CCSER1: variants seen among roughly 807,000 people sequenced by gnomAD.
CCSER1 encodes the protein coiled-coil serine rich protein 1.
CCSER1 carries 41 observed loss-of-function variants against 82.0 expected under a neutral mutation model. The ratio of observed to expected loss-of-function variants is 0.50; its 90% CI spans 0.39 to 0.65. The LOEUF (loss-of-function observed/expected upper bound fraction) is 0.65. Ranked by LOEUF, CCSER1 falls within the 30% of genes least tolerant of loss-of-function variation. The pLI, the probability that CCSER1 is intolerant of heterozygous loss-of-function variation, is 0.00. For missense variants in CCSER1, 1,119 were observed against 1,064.2 expected (o/e 1.05, Z -0.72); for synonymous variants, 414 against 383.9 (o/e 1.08, Z -0.92).
At position 91,206,974 on chromosome 4, in the gene CCSER1, T is replaced by C. The variant is rs559121321; in HGVS notation, c.2217+120980T>C. On this transcript the variant is annotated intron_variant, in intron 10 of 10. Transcript: ENST00000509176. ...ATTAATTGCTTGTAAGAAATTCTGG[T>C]CATTCAGCTGTCTCTGTCCAGAAAG... Among the ~76,000 whole-genome samples, 19 of 151,976 alleles carry C rather than the reference T, an allele frequency of 1.3e-4. No homozygotes were observed. The East Asian group carries it at 3.5e-3, about 28-fold the overall frequency.
intron 10 of CCSER1, among the ~76,000 whole-genome samples, chr4:91,516,253 T>C (rs1216596780): frequency 6.6e-6 from 1 of 152,186 alleles, no homozygotes; most frequent in Non-Finnish European, 1.5e-5. Context: ...TTGCAATTGC[T>C]TTTGGCATCT....
At chr4:90,708,022 A>G (rs1219257416) in intron 6 of CCSER1, among the ~76,000 whole-genome samples, 1 of 152,176 alleles carries the variant, frequency 6.6e-6, no homozygotes, top group East Asian at 1.9e-4. Flanking sequence ...TCTGTCAATG[A>G]AAAATGGATC....
Position 90,281,438 on chromosome 4 carries a change from T to A in CCSER1, c.-41-26806T>A, listed in dbSNP as rs72659489. Among the ~76,000 whole-genome samples, 365 of 152,094 alleles carry A rather than the reference T, an allele frequency of 2.4e-3. 2 individuals are homozygous for A. In the South Asian group the frequency reaches 0.027, roughly 11 times the overall value. ...ATATGTACAGCAAACCCCCATGACA[T>A]GCAGTTTATCTATAAAGTCAAGGTG... On this transcript the variant is annotated intron_variant, in intron 1 of 10. Transcript: ENST00000509176.
rs138255021 is a variant in CCSER1 at position 91,272,682 on chromosome 4, C to T, written c.2217+186688C>T. Among the ~76,000 whole-genome samples, 57 of 152,150 alleles carry T rather than the reference C, an allele frequency of 3.7e-4. No individual in the cohort carries two copies. The Middle Eastern group carries it at 0.01, about 27-fold the overall frequency. ...ATGAACTCTTTGCCTAAGCCATGCC[C>T]GAAGGGTTTTTCCAATGTTATCTTC... On this transcript the variant is annotated intron_variant, in intron 10 of 10. Coordinates refer to ENST00000509176, the MANE Select transcript of CCSER1 (RefSeq NM_001145065.2).
chr4:91,101,168 A>C (rs1725021498), intron 10 of CCSER1, among the ~76,000 whole-genome samples: 1 of 152,198 alleles, frequency 6.6e-6, no homozygotes, highest in Non-Finnish European at 1.5e-5. Flanking sequence ...ATGCATAGAA[A>C]GCCACACAAA....
intron 1 of CCSER1, among the ~76,000 whole-genome samples, chr4:90,285,849 T>A (rs1185401229): frequency 6.6e-6 from 1 of 152,004 alleles, no homozygotes; most frequent in African/African-American, 2.4e-5. Flanking sequence ...CATGAAGGGA[T>A]GTTGAATTAT....
chr4:90,158,450 CT>C (rs1728754121), intron 1 of CCSER1, among the ~76,000 whole-genome samples: 1 of 152,204 alleles, frequency 6.6e-6, no homozygotes, highest in Non-Finnish European at 1.5e-5. Context: ...TTACTGCTGT[CT>C]TTTTGTTTTT....
chr4:90,930,910 T>TTATATATATATATA (rs70963098), intron 9 of CCSER1, among the ~76,000 whole-genome samples: 67 of 109,634 alleles, frequency 6.1e-4, no homozygotes, highest in South Asian at 1.8e-3. Flanking sequence ...TATCCTTATT[T>TTATATATATATATA]TATATATATA....
intron 10 of CCSER1, among the ~76,000 whole-genome samples, chr4:91,328,448 G>C (rs570258951): frequency 1.3e-5 from 2 of 152,176 alleles, no homozygotes; most frequent in Non-Finnish European, 2.9e-5. Context: ...CACAAGAACA[G>C]CAAAGGAGAA....
At chr4:91,364,137 A>T (rs1470684389) in intron 10 of CCSER1, among the ~76,000 whole-genome samples, 1 of 152,114 alleles carries the variant, frequency 6.6e-6, no homozygotes, top group Non-Finnish European at 1.5e-5. Context: ...AACAGCTATT[A>T]GTATTAAGTC....
At chr4:91,264,089 T>C (rs1414823386) in intron 10 of CCSER1, among the ~76,000 whole-genome samples, 3 of 151,872 alleles carry the variant, frequency 2.0e-5, no homozygotes, top group Non-Finnish European at 4.4e-5. Flanking sequence ...CTGCTGACTT[T>C]TAACAAACCA....
intron 10 of CCSER1, among the ~76,000 whole-genome samples, chr4:91,140,019 TA>T (rs1418322251): frequency 1.3e-5 from 2 of 152,152 alleles, no homozygotes; most frequent in African/African-American, 4.8e-5. Context: ...TGATTCTTAT[TA>T]AATAGTTCTT....
intron 1 of CCSER1, among the ~76,000 whole-genome samples, chr4:90,275,297 C>T (rs1727344027): frequency 6.6e-6 from 1 of 152,006 alleles, no homozygotes; most frequent in Non-Finnish European, 1.5e-5. Context: ...ACTTTTAAGT[C>T]AATGTGTCTT....
chr4:90,552,705 A>G (rs1006516663), intron 5 of CCSER1, among the ~76,000 whole-genome samples: 2 of 152,166 alleles, frequency 1.3e-5, no homozygotes, highest in Middle Eastern at 3.4e-3. Context: ...AATCCACCCA[A>G]TTCAGCTTCC....
At position 90,589,641 on chromosome 4, in the gene CCSER1, A is replaced by G. The variant is rs140084593; in HGVS notation, c.1725-38384A>G. ...ACATTTATTATGATAAAATGTTGCTATAATATGAGTTCATTATATGAAGCT... is the reference window on the plus strand; with the variant it reads ...ACATTTATTATGATAAAATGTTGCTGTAATATGAGTTCATTATATGAAGCT... On this transcript the variant is annotated intron_variant, in intron 5 of 10. Coordinates refer to ENST00000509176, the MANE Select transcript of CCSER1 (RefSeq NM_001145065.2). 3.9e-3 allele frequency among the ~76,000 whole-genome samples: 588 copies of G among 151,916 alleles called. 4 individuals carry two copies. Among genetic ancestry groups the G allele is most frequent in the African/African-American group, 0.013 (559 of 41,554 alleles).
chr4:90,757,730 C>T (rs1749759950), intron 7 of CCSER1, among the ~76,000 whole-genome samples: 2 of 152,138 alleles, frequency 1.3e-5, no homozygotes, highest in Admixed American at 1.3e-4. Context: ...AGACTAGCTG[C>T]TGGTGCTTCA....
intron 4 of CCSER1, among the ~76,000 whole-genome samples, chr4:90,445,246 A>G (rs1164295821): frequency 6.6e-6 from 1 of 152,098 alleles, no homozygotes; most frequent in Non-Finnish European, 1.5e-5. Context: ...CTGGAACTTC[A>G]TGGATCTATA....
intron 3 of CCSER1, among the ~76,000 whole-genome samples, chr4:90,364,777 A>C (rs1382534648): frequency 6.6e-6 from 1 of 152,032 alleles, no homozygotes; most frequent in Non-Finnish European, 1.5e-5. Flanking sequence ...TAATGCCTGA[A>C]AATGGGAAGT....
At chr4:91,572,260 T>C (rs1042432294) in intron 10 of CCSER1, among the ~76,000 whole-genome samples, 2 of 152,154 alleles carry the variant, frequency 1.3e-5, no homozygotes, top group Admixed American at 1.3e-4. Flanking sequence ...CAGAGAAGGC[T>C]GTGAAACAGT....
Sources: allele counts gnomAD v4.1 joint callset (sites outside exome capture counted in the v4.1 genomes callset), GRCh38; gene constraint gnomAD v4.1.1; transcripts MANE v1.5; gene names NCBI Gene and HGNC (gene_info 2026-07-23, HGNC 2026-07-21).